The following ITPR2 variants were observed in gnomAD, a reference collection of about 807,000 sequenced individuals.
The protein encoded by ITPR2 is inositol 1,4,5-trisphosphate receptor type 2.
ITPR2 carries 207 observed loss-of-function variants against 317.1 expected under a neutral mutation model. The observed-to-expected ratio is 0.65, with a 90% CI of 0.58 to 0.73. The LOEUF (loss-of-function observed/expected upper bound fraction) is 0.73. Among genes scored for constraint, ITPR2 ranks in the 30% least tolerant of loss-of-function variants. The pLI, the probability that ITPR2 is intolerant of heterozygous loss-of-function variation, is 0.00. For missense variants in ITPR2, 2,613 were observed against 3,284.0 expected, an observed-to-expected ratio of 0.80 and a Z score of 4.99; for synonymous variants, 1,156 against 1,149.1, an observed-to-expected ratio of 1.01 and a Z score of -0.12.
intron 1 of ITPR2, among the ~76,000 whole-genome samples, chr12:26,812,406 A>C (rs146765568): frequency 0.039 from 5,961 of 151,564 alleles, 165 homozygotes; most frequent in Middle Eastern, 0.071. Flanking sequence ...GTGAAACCTC[A>C]TCTCTACTAA....
At chr12:26,591,721 C>T (rs142857974) in intron 32 of ITPR2, among the ~76,000 whole-genome samples, 2,115 of 151,598 alleles carry the variant, frequency 0.014, 27 homozygotes, top group Non-Finnish European at 0.021. Flanking sequence ...GCCTGTAGTC[C>T]CAGCTACTCG....
chr12:26,531,690 T>C (rs555607374), intron 37 of ITPR2, among the ~76,000 whole-genome samples: 10 of 152,126 alleles, frequency 6.6e-5, no homozygotes, highest in African/African-American at 1.9e-4. Flanking sequence ...CACAAGTGTG[T>C]ATCTGAATGA....
chr12:26,466,057 T>G (rs1265470034), intron 45 of ITPR2, among the ~76,000 whole-genome samples: 1 of 152,184 alleles, frequency 6.6e-6, no homozygotes, highest in African/African-American at 2.4e-5. Flanking sequence ...TTCAACTAAG[T>G]TCACATATTA....
At chr12:26,401,230 A>G (rs1204657952) in intron 52 of ITPR2, among the ~76,000 whole-genome samples, 1 of 145,186 alleles carries the variant, frequency 6.9e-6, no homozygotes, top group East Asian at 2.0e-4. Context: ...CTCTGTCTTT[A>G]AAAAAAAAAA....
chr12:26,545,836 C>T (rs1471974547), intron 37 of ITPR2, among the ~76,000 whole-genome samples: 1 of 152,160 alleles, frequency 6.6e-6, no homozygotes, highest in Non-Finnish European at 1.5e-5. Context: ...TCAGAAGGAC[C>T]AATGGACAAA....
chr12:26,552,535 A>G (rs1397599615), intron 36 of ITPR2, among the ~76,000 whole-genome samples: 1 of 152,176 alleles, frequency 6.6e-6, no homozygotes, highest in Non-Finnish European at 1.5e-5. Context: ...TAGCAAACAC[A>G]CAATGAAAGT....
Position 26,340,123 on chromosome 12 carries a change from A to G in ITPR2, c.8019+44T>C, listed in dbSNP as rs761450819. ...CTGTCTCCCCTCACCGGAAGTGGTG[A>G]ATGACTTTATCCCACCCAGCCCCAT... On this transcript the variant is annotated intron_variant, in intron 56 of 56. Transcript: ENST00000381340. 4 of 1,524,610 alleles carry G rather than the reference A, an allele frequency of 2.6e-6. No individual in the cohort carries two copies. In the Admixed American group the frequency reaches 8.1e-5, roughly 31 times the overall value. 94.4% of individuals were successfully genotyped at this position (1,524,610 alleles called of 1,614,324 possible).
chr12:26,702,215 C>T (rs573970070), intron 9 of ITPR2, among the ~76,000 whole-genome samples: 8 of 152,048 alleles, frequency 5.3e-5, no homozygotes, highest in Non-Finnish European at 1.0e-4. Context: ...TATTTACCTT[C>T]CCCTCATGCC....
intron 1 of ITPR2, among the ~76,000 whole-genome samples, chr12:26,827,212 T>C (rs1167860317): frequency 6.6e-6 from 1 of 152,192 alleles, no homozygotes; most frequent in Non-Finnish European, 1.5e-5. Flanking sequence ...TTAAATTGAT[T>C]CTTTAGATGA....
At chr12:26,758,670 T>A (rs565645137) in intron 2 of ITPR2, among the ~76,000 whole-genome samples, 6 of 152,308 alleles carry the variant, frequency 3.9e-5, no homozygotes, top group Admixed American at 6.5e-5. Flanking sequence ...AGCAGCCAGA[T>A]TGTCTTAATA....
At chr12:26,426,266 A>T (rs1360199249) in intron 49 of ITPR2, among the ~76,000 whole-genome samples, 1 of 152,164 alleles carries the variant, frequency 6.6e-6, no homozygotes, top group Non-Finnish European at 1.5e-5. Context: ...TTCAAATAAT[A>T]TAGTTCAATA....
At chr12:26,672,834 T>TCAAATAGA (rs1286573469) in intron 13 of ITPR2, among the ~76,000 whole-genome samples, 3 of 151,022 alleles carry the variant, frequency 2.0e-5, no homozygotes, top group Non-Finnish European at 3.0e-5. Context: ...GAGAGAAGAA[T>TCAAATAGA]CAAATAGACG....
chr12:26,706,273 C>T (rs1025670203), intron 9 of ITPR2, among the ~76,000 whole-genome samples: 1 of 152,146 alleles, frequency 6.6e-6, no homozygotes, highest in African/African-American at 2.4e-5. Flanking sequence ...CTATATTACA[C>T]AGTACAACTC....
chr12:26,770,482 T>C (rs1949819593), intron 2 of ITPR2, among the ~76,000 whole-genome samples: 1 of 152,178 alleles, frequency 6.6e-6, no homozygotes, highest in Non-Finnish European at 1.5e-5. Flanking sequence ...AATTCTCTTC[T>C]CTGTGCTTCT....
intron 36 of ITPR2, among the ~76,000 whole-genome samples, chr12:26,554,435 C>T (rs965938778): frequency 1.3e-5 from 2 of 152,224 alleles, no homozygotes; most frequent in East Asian, 3.8e-4. Context: ...AAGGATCAGA[C>T]AGTAAATATT....
At position 26,534,781 on chromosome 12, in the gene ITPR2, A is replaced by T. The variant is rs115251535; in HGVS notation, c.5073+15466T>A. ...TGAACAGGTGGTTTACTAAGAAAGAAAAGATACTATGGCACTGTAATCAAA... is the reference window on the plus strand; with the variant it reads ...TGAACAGGTGGTTTACTAAGAAAGATAAGATACTATGGCACTGTAATCAAA... On this transcript the variant is annotated intron_variant, in intron 37 of 56. Coordinates refer to ENST00000381340, the MANE Select transcript of ITPR2 (RefSeq NM_002223.4). Among the ~76,000 whole-genome samples, 875 of 152,360 alleles carry T rather than the reference A, an allele frequency of 5.7e-3. 11 individuals carry two copies. The highest frequency in any genetic ancestry group is 0.02 in the African/African-American group (832 of 41,580).
intron 1 of ITPR2, among the ~76,000 whole-genome samples, chr12:26,804,230 GA>G (rs907767509): frequency 1.3e-5 from 2 of 151,832 alleles, no homozygotes; most frequent in Non-Finnish European, 2.9e-5. Context: ...ATGGGTTTTA[GA>G]AAAAAAATAC....
At chr12:26,448,336 A>C (rs1421737548) in intron 45 of ITPR2, among the ~76,000 whole-genome samples, 1 of 151,618 alleles carries the variant, frequency 6.6e-6, no homozygotes, top group South Asian at 2.1e-4. Context: ...GAATTTGGGC[A>C]ACTGCATTGA....
At chr12:26,583,560 T>C (rs1185901164) in intron 32 of ITPR2, among the ~76,000 whole-genome samples, 1 of 152,162 alleles carries the variant, frequency 6.6e-6, no homozygotes, top group Non-Finnish European at 1.5e-5. Flanking sequence ...TACATTTTTA[T>C]TCTAGTTTTT....
Sources: gnomAD v4.1 joint callset for allele counts (sites outside exome capture counted in the v4.1 genomes callset) on GRCh38, gnomAD v4.1.1 for gene constraint, MANE v1.5 for transcripts, NCBI Gene and HGNC (gene_info 2026-07-23, HGNC 2026-07-21) for gene names.